Variants in IL1RAPL1 observed in about 807,000 individuals in gnomAD.
IL1RAPL1 encodes interleukin 1 receptor accessory protein like 1.
Under a neutral mutation model 48.4 loss-of-function variants are expected in IL1RAPL1, and 3 were observed. The observed-to-expected ratio is 0.06, with a 90% CI of 0.03 to 0.16. IL1RAPL1 has a LOEUF of 0.16. Ranked by LOEUF, IL1RAPL1 falls within the 10% of genes least tolerant of loss-of-function variation. The pLI is 1.00. For missense variants in IL1RAPL1, 349 were observed against 530.6 expected (o/e 0.66, Z 3.36); for synonymous variants, 185 against 187.7 (o/e 0.99, Z 0.12).
At chrX:28,969,674 T>C (rs1401948564) in intron 2 of IL1RAPL1, among the ~76,000 whole-genome samples, 2 of 109,722 alleles carry the variant, frequency 1.8e-5, no homozygotes, top group African/African-American at 6.6e-5. Flanking sequence ...AGCAGTAATG[T>C]CCACCGTTTT....
intron 8 of IL1RAPL1, among the ~76,000 whole-genome samples, chrX:29,935,296 C>G (rs1933014266): frequency 9.0e-6 from 1 of 111,018 alleles, no homozygotes; most frequent in Non-Finnish European, 1.9e-5. Context: ...TCCTGCCTCA[C>G]CAATCTTTCA....
chrX:29,181,485 A>G (rs950211064), intron 2 of IL1RAPL1, among the ~76,000 whole-genome samples: 1 of 111,908 alleles, frequency 8.9e-6, no homozygotes, highest in African/African-American at 3.2e-5. Context: ...TCTTCCTTGT[A>G]CTTTGAATAC....
rs144714007 is a variant in IL1RAPL1, at chrX:29,558,627, A to G, written c.704-109803A>G. On this transcript the variant is annotated intron_variant, in intron 5 of 10. Coordinates refer to ENST00000378993, the MANE Select transcript of IL1RAPL1 (RefSeq NM_014271.4). ...AAAGTAATTACCCAGACCAATGTCA[A>G]AAAGCATTTCCCTTATGTTTTCTTC... Among the ~76,000 whole-genome samples, 996 of 112,002 alleles carry G rather than the reference A, an allele frequency of 8.9e-3. 11 individuals are homozygous for G. Among genetic ancestry groups the G allele is most frequent in the African/African-American group, 0.031 (943 of 30,859 alleles).
intron 2 of IL1RAPL1, among the ~76,000 whole-genome samples, chrX:29,060,788 C>T (rs1022171446): frequency 1.8e-5 from 2 of 111,749 alleles, no homozygotes; most frequent in Non-Finnish European, 3.8e-5. Flanking sequence ...AGAAATGTTA[C>T]ACAGTGCTAT....
chrX:28,728,948 T>G (rs934574138), intron 1 of IL1RAPL1, among the ~76,000 whole-genome samples: 2 of 111,557 alleles, frequency 1.8e-5, no homozygotes, highest in Non-Finnish European at 3.8e-5. Context: ...TTAAAGAAAA[T>G]TTTTCAAGTT....
intron 4 of IL1RAPL1, 103 bp downstream of exon 4, chrX:29,396,547 C>A: frequency 1.4e-6 from 1 of 736,669 alleles, no homozygotes; most frequent in Non-Finnish European, 2.1e-6. Flanking sequence ...TATAGTTTAG[C>A]TTTGCCTTTC....
At chrX:29,542,110 C>T (rs1038980900) in intron 5 of IL1RAPL1, among the ~76,000 whole-genome samples, 6 of 111,036 alleles carry the variant, frequency 5.4e-5, no homozygotes, top group African/African-American at 1.6e-4. Flanking sequence ...CACCAACATC[C>T]AAAACATCCA....
chrX:29,734,130 AATT>A (rs1287559417), intron 6 of IL1RAPL1, among the ~76,000 whole-genome samples: 13 of 112,858 alleles, frequency 1.2e-4, no homozygotes, highest in African/African-American at 4.2e-4. Context: ...CATCTGAAGA[AATT>A]ATTATTGATT....
At chrX:29,047,802 C>A (rs772192482) in intron 2 of IL1RAPL1, among the ~76,000 whole-genome samples, 12 of 108,892 alleles carry the variant, frequency 1.1e-4, no homozygotes, top group Admixed American at 5.9e-4. Context: ...CAGCTCACTG[C>A]AACCTCTGCC....
intron 1 of IL1RAPL1, among the ~76,000 whole-genome samples, chrX:28,691,935 G>T (rs1297468325): frequency 9.0e-6 from 1 of 111,179 alleles, no homozygotes; most frequent in African/African-American, 3.3e-5. Context: ...GATTCTGCAG[G>T]CTGTATGAGA....
chrX:29,802,237 G>A (rs776188967), intron 6 of IL1RAPL1, among the ~76,000 whole-genome samples: 93 of 111,820 alleles, frequency 8.3e-4, no homozygotes, highest in African/African-American at 2.9e-3. Context: ...AAACTGTGAT[G>A]GTGAAACTGA....
intron 9 of IL1RAPL1, 61 bp downstream of exon 9, chrX:29,941,855 T>G: frequency 9.2e-7 from 1 of 1,083,304 alleles, no homozygotes; most frequent in Admixed American, 2.2e-5. Context: ...TTGTCTTTGT[T>G]TTATTAAGGG....
At chrX:29,007,799 C>T (rs1422470130) in intron 2 of IL1RAPL1, among the ~76,000 whole-genome samples, 1 of 111,415 alleles carries the variant, frequency 9.0e-6, no homozygotes, top group East Asian at 2.8e-4. Context: ...GAATATTTAC[C>T]TATCATTATC....
rs184736867 is a variant in IL1RAPL1 at position 29,664,352 on chromosome X, G to C, written c.704-4078G>C. Reference sequence around the variant, plus strand: ...CCAGGAGGCAGAGCTTGCAGTGAGCGGAGATCGCGCCACTGCACTCCGGCC... The same window carrying C: ...CCAGGAGGCAGAGCTTGCAGTGAGCCGAGATCGCGCCACTGCACTCCGGCC... On this transcript the variant is annotated intron_variant, in intron 5 of 10. Transcript: ENST00000378993. Among the ~76,000 whole-genome samples, 579 of 104,240 alleles carry C rather than the reference G, an allele frequency of 5.6e-3. 5 individuals are homozygous for C. The highest frequency in any genetic ancestry group is 0.018 in the African/African-American group (507 of 27,689). 90.5% of individuals were successfully genotyped at this position (104,240 alleles called of 115,157 possible).
At chrX:28,754,039 A>C (rs1039607262) in intron 1 of IL1RAPL1, among the ~76,000 whole-genome samples, 2 of 81,099 alleles carry the variant, frequency 2.5e-5, no homozygotes, top group African/African-American at 1.0e-4. Flanking sequence ...TTTCTTCTTC[A>C]GCATCATCTT....
At chrX:29,677,174 T>C (rs1327452444) in intron 6 of IL1RAPL1, among the ~76,000 whole-genome samples, 1 of 112,033 alleles carries the variant, frequency 8.9e-6, no homozygotes, top group Non-Finnish European at 1.9e-5. Context: ...AACTAAGGAT[T>C]TCTAAATTAT....
At chrX:29,464,721 C>T (rs773601845) in intron 5 of IL1RAPL1, among the ~76,000 whole-genome samples, 2 of 111,930 alleles carry the variant, frequency 1.8e-5, no homozygotes, top group Non-Finnish European at 3.8e-5. Context: ...AAATGTGCTA[C>T]ATATATACAA....
intron 1 of IL1RAPL1, among the ~76,000 whole-genome samples, chrX:28,638,841 AG>A (rs1934498425): frequency 9.0e-6 from 1 of 111,203 alleles, no homozygotes; most frequent in Non-Finnish European, 1.9e-5. Flanking sequence ...CACACTAAAA[AG>A]GGTCCTCCAG....
intron 2 of IL1RAPL1, among the ~76,000 whole-genome samples, chrX:28,938,057 G>T (rs780066665): frequency 9.0e-6 from 1 of 111,234 alleles, no homozygotes; most frequent in Non-Finnish European, 1.9e-5. Flanking sequence ...GCTAAGGGAT[G>T]GGAAGAATCA....
Sources: gnomAD v4.1 joint callset for allele counts (sites outside exome capture counted in the v4.1 genomes callset) on GRCh38, gnomAD v4.1.1 for gene constraint, MANE v1.5 for transcripts, NCBI Gene and HGNC (gene_info 2026-07-23, HGNC 2026-07-21) for gene names.